SLC35D4: variants seen among roughly 807,000 people sequenced by gnomAD.
SLC35D4 encodes the protein solute carrier family 35 member D4, also known as UDP-N-acetylglucosamine transporter SLC35D4.
At chr18:23,373,051 C>CG in the SLC35D4 span, among the ~76,000 whole-genome samples, 1 of 152,128 alleles carries the variant, frequency 6.6e-6, no homozygotes, top group East Asian at 1.9e-4. Flanking sequence ...CAGTGGCTCA[C>CG]GCCTGTAATA....
chr18:23,437,949 G>A, the SLC35D4 span: 1 of 1,371,850 alleles, frequency 7.3e-7, no homozygotes, highest in East Asian at 2.5e-5. Context: ...AGCGGCAGCA[G>A]CCGCCCAGAG....
chr18:23,429,053 G>GTA, the SLC35D4 span, among the ~76,000 whole-genome samples: 3 of 152,158 alleles, frequency 2.0e-5, no homozygotes, highest in Non-Finnish European at 2.9e-5. Flanking sequence ...GTATTCCATG[G>GTA]TATATATATA....
chr18:23,310,582 T>C, the SLC35D4 span, among the ~76,000 whole-genome samples: 1 of 152,144 alleles, frequency 6.6e-6, no homozygotes, highest in Admixed American at 6.6e-5. Context: ...AAGAAACTGC[T>C]TTCTTGCAGT....
the SLC35D4 span, among the ~76,000 whole-genome samples, chr18:23,376,493 A>G: frequency 6.6e-6 from 1 of 152,346 alleles, no homozygotes; most frequent in Non-Finnish European, 1.5e-5. Flanking sequence ...AGCCTTGCTG[A>G]CTTTCAAGGC....
the SLC35D4 span, among the ~76,000 whole-genome samples, chr18:23,311,635 G>A: frequency 6.6e-6 from 1 of 152,188 alleles, no homozygotes; most frequent in East Asian, 1.9e-4. Flanking sequence ...TCCTAGCTGG[G>A]GGTGATCTTT....
At chr18:23,384,524 T>C in the SLC35D4 span, among the ~76,000 whole-genome samples, 1 of 152,202 alleles carries the variant, frequency 6.6e-6, no homozygotes, top group Non-Finnish European at 1.5e-5. Context: ...GCTGGTGTCA[T>C]TATTACCACC....
chr18:23,285,019 T>C, the SLC35D4 span, among the ~76,000 whole-genome samples: 3 of 152,220 alleles, frequency 2.0e-5, no homozygotes, highest in African/African-American at 7.2e-5. Flanking sequence ...CTGTCAGACC[T>C]CTGAGCCTAA....
At chr18:23,399,766 C>T in the SLC35D4 span, 1 of 914,334 alleles carries the variant, frequency 1.1e-6, no homozygotes, top group Non-Finnish European at 1.7e-6. Context: ...CTAAAAATCC[C>T]TGGCAGACTT....
the SLC35D4 span, among the ~76,000 whole-genome samples, chr18:23,341,736 AAG>A: frequency 3.3e-5 from 5 of 152,090 alleles, no homozygotes; most frequent in Non-Finnish European, 7.4e-5. Flanking sequence ...AAATAGGAAA[AAG>A]AGAGAGAGAG....
chr18:23,345,341 G>A, the SLC35D4 span, among the ~76,000 whole-genome samples: 1 of 151,810 alleles, frequency 6.6e-6, no homozygotes, highest in African/African-American at 2.4e-5. Context: ...AATTAGCCGG[G>A]CATGGTGGTG....
At chr18:23,271,654 C>T in the SLC35D4 span, among the ~76,000 whole-genome samples, 1 of 152,062 alleles carries the variant, frequency 6.6e-6, no homozygotes. Flanking sequence ...TGGTGGGTCT[C>T]TAGATAGCTT....
the SLC35D4 span, chr18:23,421,526 G>A: frequency 8.4e-7 from 1 of 1,192,988 alleles, no homozygotes; most frequent in Non-Finnish European, 1.2e-6. Context: ...TCTGCTGACT[G>A]ACACAAAGAG....
At chr18:23,396,621 GAAT>G in the SLC35D4 span, among the ~76,000 whole-genome samples, 1 of 152,102 alleles carries the variant, frequency 6.6e-6, no homozygotes, top group Admixed American at 6.6e-5. Context: ...TATTTAAGAA[GAAT>G]GTGCTCTCAG....
chr18:23,240,507 T>C, the SLC35D4 span, among the ~76,000 whole-genome samples: 1 of 152,236 alleles, frequency 6.6e-6, no homozygotes, highest in Non-Finnish European at 1.5e-5. Flanking sequence ...GGTTGTGGAA[T>C]GCCCTCTTTG....
At chr18:23,437,756 C>G in the SLC35D4 span, 1 of 1,605,544 alleles carries the variant, frequency 6.2e-7, no homozygotes. Context: ...CGTGCAATCG[C>G]TGCCTCCCGC....
the SLC35D4 span, among the ~76,000 whole-genome samples, chr18:23,420,923 G>A: frequency 6.6e-6 from 1 of 151,874 alleles, no homozygotes; most frequent in Non-Finnish European, 1.5e-5. Flanking sequence ...GGTTAGAAGG[G>A]AACTAAGAGA....
At chr18:23,403,175 T>C in the SLC35D4 span, among the ~76,000 whole-genome samples, 1 of 152,218 alleles carries the variant, frequency 6.6e-6, no homozygotes, top group Non-Finnish European at 1.5e-5. Context: ...ATTATCTGAC[T>C]GACAGAGTCA....
At chr18:23,428,131 C>T in the SLC35D4 span, among the ~76,000 whole-genome samples, 1 of 152,028 alleles carries the variant, frequency 6.6e-6, no homozygotes, top group African/African-American at 2.4e-5. Context: ...AACAAACCTG[C>T]ACATTGTGCA....
At chr18:23,296,254 G>A in the SLC35D4 span, 1 of 152,016 alleles carries the variant, frequency 6.6e-6, no homozygotes, top group African/African-American at 2.4e-5. Flanking sequence ...ATAAAAAAAA[G>A]AAAAAAGAAG....
Sources: gnomAD v4.1 joint callset for allele counts (sites outside exome capture counted in the v4.1 genomes callset) on GRCh38, gnomAD v4.1.1 for gene constraint, MANE v1.5 for transcripts, NCBI Gene and HGNC (gene_info 2026-07-23, HGNC 2026-07-21) for gene names.